XK: variants seen among roughly 807,000 people sequenced by gnomAD.
XK encodes the protein endoplasmic reticulum membrane adapter protein XK.
In XK, 2 loss-of-function variants were observed where a neutral mutation model predicts 14.0. The observed-to-expected ratio is 0.14, with a 90% CI of 0.06 to 0.45. The LOEUF is 0.45. Ranked by LOEUF, XK falls within the 20% of genes least tolerant of loss-of-function variation. The pLI is 0.98. For missense variants in XK, 235 were observed against 341.5 expected (o/e 0.69, Z 2.46); for synonymous variants, 149 against 147.5 (o/e 1.01, Z -0.08).
intron 1 of XK, among the ~76,000 whole-genome samples, chrX:37,692,627 C>T (rs1321430489): frequency 1.8e-5 from 2 of 111,791 alleles, no homozygotes; most frequent in African/African-American, 6.5e-5. Context: ...TCTCAAACTC[C>T]TGACCTCAGG....
intron 2 of XK, among the ~76,000 whole-genome samples, chrX:37,708,306 A>T (rs141017937): frequency 8.9e-6 from 1 of 111,852 alleles, no homozygotes; most frequent in Non-Finnish European, 1.9e-5. Context: ...CAATGTGAGG[A>T]GTGAAACAAG....
chrX:37,689,796 T>C (rs1360937203), intron 1 of XK, among the ~76,000 whole-genome samples: 2 of 112,260 alleles, frequency 1.8e-5, no homozygotes, highest in Non-Finnish European at 3.8e-5. Context: ...GAAAATCTTA[T>C]TGCGCATTAT....
chrX:37,727,959 A>G lies in XK; in HGVS notation c.832A>G (p.Ile278Val). The G allele has an allele frequency of 1.7e-6, 2 of 1,211,310 alleles. No homozygotes were observed. The highest frequency in any genetic ancestry group is 2.2e-6 in the Non-Finnish European group (2 of 895,341). ...GGCCCTCAGTAGAGTGGGCACCACCATTGTACTATGCTTTCTAACTTTACT... is the reference window on the plus strand; with the variant it reads ...GGCCCTCAGTAGAGTGGGCACCACCGTTGTACTATGCTTTCTAACTTTACT... The part of the protein sequence containing the change: ...EKALSRVGTT[I>V]VLCFLTLLYT... Residue 278 changes from isoleucine to valine, a missense_variant, in exon 3 of 3, where the codon ATT (isoleucine) becomes GTT (valine). By Grantham distance (29) the Ile-to-Val change is conservative. Transcript: ENST00000378616.
Position 37,694,459 on chromosome X carries a change from C to T in XK, c.419C>T (p.Ser140Leu). 1 of 1,191,853 alleles carries T rather than the reference C, an allele frequency of 8.4e-7. No homozygotes were observed. The highest frequency in any genetic ancestry group is 1.1e-6 in the Non-Finnish European group (1 of 884,077). Residue 140 changes from serine to leucine, a missense_variant, in exon 2 of 3, where the codon TCG (serine) becomes TTG (leucine). Ser to Leu is a moderately radical substitution (Grantham distance 145). Coordinates refer to ENST00000378616, the MANE Select transcript of XK (RefSeq NM_021083.4). ...CACCGATCAGCGTTCAGCCGGGCGTCGGTGATCCAGGCTTTCTTGGGCTCA... is the reference window on the plus strand; with the variant it reads ...CACCGATCAGCGTTCAGCCGGGCGTTGGTGATCCAGGCTTTCTTGGGCTCA... ...ITHRSAFSRA[S>L]VIQAFLGSAP...
chrX:37,723,774 C>T (rs9887323), intron 2 of XK, among the ~76,000 whole-genome samples: 1,311 of 111,158 alleles, frequency 0.012, 22 homozygotes, highest in African/African-American at 0.041. Context: ...TCATCTTCTG[C>T]ACTTAAAATA....
chrX:37,708,923 A>G (rs782242706), intron 2 of XK, among the ~76,000 whole-genome samples: 11 of 112,417 alleles, frequency 9.8e-5, no homozygotes, highest in Non-Finnish European at 2.1e-4. Flanking sequence ...TAAAAATTTC[A>G]TTATCTTGAG....
chrX:37,711,217 G>A (rs1375588947), intron 2 of XK, among the ~76,000 whole-genome samples: 2 of 112,592 alleles, frequency 1.8e-5, no homozygotes, highest in African/African-American at 6.5e-5. Context: ...AGGAATGGCT[G>A]TGTAGCCTGG....
At chrX:37,695,319 C>A (rs1927287426) in intron 2 of XK, among the ~76,000 whole-genome samples, 1 of 111,861 alleles carries the variant, frequency 8.9e-6, no homozygotes, top group Admixed American at 9.5e-5. Flanking sequence ...AATAATGGAA[C>A]AAGGCCACTT....
intron 2 of XK, among the ~76,000 whole-genome samples, chrX:37,725,542 A>G (rs782031168): frequency 9.0e-6 from 1 of 111,433 alleles, no homozygotes; most frequent in Non-Finnish European, 1.9e-5. Context: ...GAGGTTTCTT[A>G]TAAAATTACA....
chrX:37,698,144 G>GC (rs1556442871), intron 2 of XK, among the ~76,000 whole-genome samples: 1 of 111,981 alleles, frequency 8.9e-6, no homozygotes, highest in African/African-American at 3.3e-5. Context: ...CATTTGGCTT[G>GC]CCTGGCCCTC....
chrX:37,687,461 T>C (rs1556440535), intron 1 of XK, among the ~76,000 whole-genome samples: 1 of 108,891 alleles, frequency 9.2e-6, no homozygotes, highest in Non-Finnish European at 1.9e-5. Flanking sequence ...TTTTTTTTTG[T>C]ATTTTTTGTA....
chrX:37,687,999 T>C (rs184153692), intron 1 of XK, among the ~76,000 whole-genome samples: 1 of 109,874 alleles, frequency 9.1e-6, no homozygotes, highest in African/African-American at 3.3e-5. Context: ...AAAATAAGTG[T>C]GATCTGACTT....
In XK at chrX:37,690,035, A is replaced by C. The variant is rs782407582; in HGVS notation, c.245+3829A>C. On this transcript the variant is annotated intron_variant, in intron 1 of 2. Coordinates refer to ENST00000378616, the MANE Select transcript of XK (RefSeq NM_021083.4). ...ATGAAAAATCTGAGCTTATAAAATA[A>C]AGGCTAAGAAGTTCCCGAAACCTTT... Among the ~76,000 whole-genome samples, 4 of 112,074 alleles carry C rather than the reference A, an allele frequency of 3.6e-5. No homozygotes were observed. The South Asian group carries it at 1.1e-3, about 31-fold the overall frequency.
At position 37,705,325 on chromosome X, in the gene XK, G is replaced by A. The variant is rs535685334; in HGVS notation, c.508+10777G>A. Among the ~76,000 whole-genome samples, 24 of 109,788 alleles carry A rather than the reference G, an allele frequency of 2.2e-4. No individual in the cohort carries two copies. In the South Asian group the frequency reaches 6.3e-3, roughly 29 times the overall value. On this transcript the variant is annotated intron_variant, in intron 2 of 2. Transcript: ENST00000378616. ...AAATTAGCCGGGCGTGGTGGCGGGC[G>A]CCTGTAGTCCCAGCTACTTGGGAGG...
At position 37,730,255 on chromosome X, in the gene XK, A is replaced by G. The variant is rs1055341656; in HGVS notation, c.*1793A>G. 1.8e-5 allele frequency: 2 copies of G among 112,184 alleles called. No individual in the cohort carries two copies. The highest frequency in any genetic ancestry group is 3.8e-5 in the Non-Finnish European group (2 of 53,241). The allele number at this position is 112,184 out of a possible 1,213,427, so 9.2% of individuals were successfully genotyped here. ...CTTGCACTATTCTTAATAGGCCTAA[A>G]ATAGTGAGCATATATAATCAAAATA... On this transcript the variant is annotated 3_prime_UTR_variant, in exon 3 of 3. Coordinates refer to ENST00000378616, the MANE Select transcript of XK (RefSeq NM_021083.4).
At position 37,730,006 on chromosome X, in the gene XK, TC is replaced by T. The variant is rs1928055867; in HGVS notation, c.*1546del. 8.9e-6 allele frequency: 1 copy of T among 112,136 alleles called. No homozygotes were observed. The highest frequency in any genetic ancestry group is 3.2e-5 in the African/African-American group (1 of 30,878). The allele number at this position is 112,136 out of a possible 1,213,427, so 9.2% of individuals were successfully genotyped here. On this transcript the variant is annotated 3_prime_UTR_variant, in exon 3 of 3. Coordinates refer to ENST00000378616, the MANE Select transcript of XK (RefSeq NM_021083.4). ...GCAGTATATATTCTTTCACAAGGCA[TC>T]CATACTGTTTAATATTTATAGAGTT...
chrX:37,706,379 G>A (rs782809296), intron 2 of XK, among the ~76,000 whole-genome samples: 111 of 110,568 alleles, frequency 1.0e-3, no homozygotes, highest in Non-Finnish European at 1.6e-3. Context: ...ATAAAGTCAG[G>A]GAAAAAAAGT....
At chrX:37,708,068 T>C (rs1927583382) in intron 2 of XK, among the ~76,000 whole-genome samples, 1 of 112,086 alleles carries the variant, frequency 8.9e-6, no homozygotes. Context: ...CAGTCAGGCG[T>C]GGCGGCGGGC....
chrX:37,707,578 C>T (rs1304898560), intron 2 of XK, among the ~76,000 whole-genome samples: 4 of 109,133 alleles, frequency 3.7e-5, no homozygotes, highest in African/African-American at 6.7e-5. Context: ...ACGGGGCGGC[C>T]GGGCAGAGAT....
Sources: gnomAD v4.1 joint callset for allele counts (sites outside exome capture counted in the v4.1 genomes callset) on GRCh38, gnomAD v4.1.1 for gene constraint, MANE v1.5 for transcripts, NCBI Gene and HGNC (gene_info 2026-07-23, HGNC 2026-07-21) for gene names.